PLEKHA7: variants seen among roughly 807,000 people sequenced by gnomAD.
PLEKHA7 encodes pleckstrin homology domain-containing family A member 7.
In PLEKHA7, 104 loss-of-function variants were observed where a neutral mutation model predicts 170.0. The observed-to-expected ratio is 0.61, with a 90% CI of 0.52 to 0.72. PLEKHA7 has a LOEUF of 0.72. Among genes scored for constraint, PLEKHA7 ranks in the 30% least tolerant of loss-of-function variants. PLEKHA7 has a pLI of 0.00. For missense variants in PLEKHA7, 1,615 were observed against 1,671.7 expected (o/e 0.97, Z 0.59); for synonymous variants, 648 against 660.8 (o/e 0.98, Z 0.30).
At chr11:16,931,398 G>A (rs1288802572) in intron 3 of PLEKHA7, among the ~76,000 whole-genome samples, 2 of 152,090 alleles carry the variant, frequency 1.3e-5, no homozygotes, top group Non-Finnish European at 2.9e-5. Context: ...CTTCTAGCAA[G>A]AGTCACCTAA....
chr11:16,855,711 A>G, intron 5 of PLEKHA7, 92 bp downstream of exon 5: 1 of 964,182 alleles, frequency 1.0e-6, no homozygotes, highest in Non-Finnish European at 1.6e-6. Flanking sequence ...CTCTCACAAA[A>G]CTATAGTGAA....
intron 26 of PLEKHA7, among the ~76,000 whole-genome samples, chr11:16,779,983 G>T (rs58003224): frequency 0.092 from 11,801 of 128,602 alleles, 569 homozygotes; most frequent in South Asian, 0.19. Flanking sequence ...AACGGGGAGG[G>T]GGGGGGGAAT....
At chr11:16,932,762 A>T (rs1455992035) in intron 3 of PLEKHA7, among the ~76,000 whole-genome samples, 1 of 152,238 alleles carries the variant, frequency 6.6e-6, no homozygotes, top group Non-Finnish European at 1.5e-5. Context: ...TGTGCAGGTC[A>T]GGGTATGTAT....
intron 3 of PLEKHA7, among the ~76,000 whole-genome samples, chr11:16,995,816 G>C (rs537703772): frequency 2.4e-4 from 36 of 152,234 alleles, no homozygotes; most frequent in African/African-American, 8.7e-4. Flanking sequence ...AAACCTATAA[G>C]CTATAACAGC....
chr11:16,815,885 C>T (rs1849715066), intron 12 of PLEKHA7, among the ~76,000 whole-genome samples: 1 of 152,130 alleles, frequency 6.6e-6, no homozygotes, highest in African/African-American at 2.4e-5. Flanking sequence ...AGGAGAGGCA[C>T]TGCCTGTGGA....
chr11:16,965,128 G>A (rs1565161763), intron 3 of PLEKHA7, among the ~76,000 whole-genome samples: 1 of 151,718 alleles, frequency 6.6e-6, no homozygotes, highest in African/African-American at 2.4e-5. Flanking sequence ...GGCCAACATG[G>A]CGAAACCCCG....
At chr11:16,854,725 A>G (rs1202588647) in intron 6 of PLEKHA7, among the ~76,000 whole-genome samples, 164 bp downstream of exon 6, 1 of 152,184 alleles carries the variant, frequency 6.6e-6, no homozygotes, top group Non-Finnish European at 1.5e-5. Flanking sequence ...CACTCATAAG[A>G]ACAAACGGCA....
intron 3 of PLEKHA7, among the ~76,000 whole-genome samples, chr11:16,980,297 C>T (rs1411824263): frequency 1.3e-5 from 2 of 152,222 alleles, no homozygotes; most frequent in African/African-American, 2.4e-5. Flanking sequence ...GCGTATGAGA[C>T]GGGCACTAGT....
At chr11:16,811,368 C>A (rs751532123) in intron 13 of PLEKHA7, among the ~76,000 whole-genome samples, 1 of 152,338 alleles carries the variant, frequency 6.6e-6, no homozygotes, top group East Asian at 1.9e-4. Flanking sequence ...GGATGCTCTA[C>A]AGGTATGTCT....
Position 16,778,423 on chromosome 11 carries a change from C to T in PLEKHA7, c.*575G>A, listed in dbSNP as rs557322469. On this transcript the variant is annotated 3_prime_UTR_variant, in exon 27 of 27. Coordinates refer to ENST00000531066, the MANE Select transcript of PLEKHA7 (RefSeq NM_001329630.2). ...GGGCAAGGCACAGACTTGGGCTCCA[C>T]GTGTGATCCTCGTGGAGTTTCACAC... 16 of 156,194 alleles carry T rather than the reference C, an allele frequency of 1.0e-4. No homozygotes were observed. Among genetic ancestry groups the T allele is most frequent in the African/African-American group, 1.9e-4 (8 of 41,604 alleles). The allele number at this position is 156,194 out of a possible 1,614,324, so 9.7% of individuals were successfully genotyped here.
intron 8 of PLEKHA7, among the ~76,000 whole-genome samples, chr11:16,847,101 T>G (rs1043163032): frequency 1.9e-4 from 27 of 138,620 alleles, no homozygotes; most frequent in African/African-American, 6.8e-4. Context: ...TTTTTTTTTT[T>G]TTTTTTTTTT....
chr11:16,980,844 A>G (rs1033188308), intron 3 of PLEKHA7, among the ~76,000 whole-genome samples: 15 of 152,146 alleles, frequency 9.9e-5, no homozygotes, highest in Non-Finnish European at 1.9e-4. Context: ...CCAAGATGGC[A>G]CCACTGCACT....
In PLEKHA7 at chr11:16,816,986, C is replaced by A. The variant is rs767188328; in HGVS notation, c.1680G>T (p.Val560=). 6.2e-7 allele frequency: 1 copy of A among 1,605,664 alleles called. No individual in the cohort carries two copies. Among genetic ancestry groups the A allele is most frequent in the South Asian group, 1.1e-5 (1 of 89,466 alleles). ...ATGGAGGCACAGAGATGGAGCGGGG[C>A]ACCTCTAGCATGCTCCTGCTCCGGC... ...DQGRSRSMLE[V]PRSISVPPSP... is the part of the protein sequence containing the mutation. The change falls in exon 11 of 27, where the codon GTG becomes GTT. Residue 560 remains valine, a synonymous_variant. Coordinates refer to ENST00000531066, the MANE Select transcript of PLEKHA7 (RefSeq NM_001329630.2).
At chr11:16,952,987 A>G (rs72865761) in intron 3 of PLEKHA7, among the ~76,000 whole-genome samples, 2,301 of 152,330 alleles carry the variant, frequency 0.015, 28 homozygotes, top group Non-Finnish European at 0.025. Flanking sequence ...TATTTTTTTG[A>G]CAACTGACAC....
At chr11:16,996,594 G>A (rs1248216865) in intron 3 of PLEKHA7, among the ~76,000 whole-genome samples, 2 of 152,214 alleles carry the variant, frequency 1.3e-5, no homozygotes, top group East Asian at 3.8e-4. Flanking sequence ...ACGGTCCTCA[G>A]CCAGGACTGA....
chr11:16,915,672 T>C (rs1439444310), intron 3 of PLEKHA7, among the ~76,000 whole-genome samples: 2 of 151,866 alleles, frequency 1.3e-5, no homozygotes, highest in Non-Finnish European at 2.9e-5. Flanking sequence ...TTCATCCATG[T>C]CCCTACAAAG....
rs1354558514 is a variant in PLEKHA7 at position 16,786,149 on chromosome 11, C to T, written c.3516+80G>A. On this transcript the variant is annotated intron_variant, in intron 24 of 26. Coordinates refer to ENST00000531066, the MANE Select transcript of PLEKHA7 (RefSeq NM_001329630.2). The stretch of plus-strand genomic sequence containing the variant: ...GCCATGTCCCTGTTCAGGATGATAC[C>T]CCACAGTGGGAAGGTGGATCAGGCT... The T allele has an allele frequency of 3.4e-6, 5 of 1,479,012 alleles. No homozygotes were observed. The East Asian group carries it at 7.4e-5, about 22-fold the overall frequency. 91.6% of individuals were successfully genotyped at this position (1,479,012 alleles called of 1,614,324 possible). A position where few individuals can be genotyped will look rare whatever the true frequency, so the allele number is the denominator to read the frequency against.
At chr11:16,781,600 A>G (rs1002015323) in intron 26 of PLEKHA7, among the ~76,000 whole-genome samples, 1 of 152,214 alleles carries the variant, frequency 6.6e-6, no homozygotes, top group Non-Finnish European at 1.5e-5. Flanking sequence ...CCCATTCAGC[A>G]TGTGCTCGAA....
At position 16,826,573 on chromosome 11, in the gene PLEKHA7, T is replaced by C. The variant is rs770894479; in HGVS notation, c.890A>G (p.Glu297Gly). 75 of 1,613,016 alleles carry C rather than the reference T, an allele frequency of 4.6e-5. No homozygotes were observed. Among genetic ancestry groups the C allele is most frequent in the Non-Finnish European group, 6.1e-5 (72 of 1,179,770 alleles). The change falls in exon 10 of 27, where the codon GAG becomes GGG. Residue 297 changes from glutamate (E) to glycine (G), a missense_variant. Glu to Gly is a moderately conservative substitution (Grantham distance 98, BLOSUM62 -2). Coordinates refer to ENST00000531066, the MANE Select transcript of PLEKHA7 (RefSeq NM_001329630.2). ...SSLKRDMEKV[E>G]RQAVPQANHT... The stretch of plus-strand genomic sequence containing the variant: ...GTTGGCCTGGGGGACAGCCTGCCGC[T>C]CCACCTTCTCCATATCCCTGCAATG...
Sources: gnomAD v4.1 joint callset for allele counts (sites outside exome capture counted in the v4.1 genomes callset) on GRCh38, gnomAD v4.1.1 for gene constraint, MANE v1.5 for transcripts, NCBI Gene and HGNC (gene_info 2026-07-23, HGNC 2026-07-21) for gene names.